Variants in SRL observed in about 807,000 individuals in gnomAD.
SRL encodes sarcalumenin.
Under a neutral mutation model 39.5 loss-of-function variants are expected in SRL, and 23 were observed. The observed-to-expected ratio is 0.58, with a 90% CI of 0.42 to 0.82. The LOEUF (loss-of-function observed/expected upper bound fraction) is 0.82. Among genes scored for constraint, SRL ranks in the 40% least tolerant of loss-of-function variants. SRL has a pLI of 0.00. For synonymous variants in SRL, 272 were observed against 237.4 expected (o/e 1.15, Z -1.34); for missense variants, 592 against 607.8 (o/e 0.97, Z 0.27).
rs1238056685 is a variant in SRL at position 4,195,682 on chromosome 16, G to GT, written c.480dup (p.Pro161ThrfsTer3). Reference sequence around the variant, plus strand: ...AAATTCTGGCCAAACTTCTCAAGGGGTGAGAAGGAACGGGCGCTGTCAGCA... The same window carrying GT: ...AAATTCTGGCCAAACTTCTCAAGGGGTTGAGAAGGAACGGGCGCTGTCAGCA... On this transcript the variant is annotated frameshift_variant, in exon 5 of 6. Coordinates refer to ENST00000399609, the MANE Select transcript of SRL (RefSeq NM_001098814.2). LOFTEE classifies it high-confidence loss of function. 6.2e-7 allele frequency: 1 copy of GT among 1,612,450 alleles called. No individual in the cohort carries two copies. The highest frequency in any genetic ancestry group is 2.2e-5 in the East Asian group (1 of 44,882).
At chr16:4,198,168 G>C (rs1436090397) in intron 3 of SRL, among the ~76,000 whole-genome samples, 1 of 152,230 alleles carries the variant, frequency 6.6e-6, no homozygotes, top group African/African-American at 2.4e-5. Context: ...AAGGATCTCA[G>C]TGAATTCAAC....
rs149409333 is a variant in SRL at position 4,210,110 on chromosome 16, C to T, written c.62-5476G>A. The stretch of plus-strand genomic sequence containing the variant: ...CACAGAAAGTGCTGGAAGAGGTCCG[C>T]GGTCAGATTGGGGTACCAAAACGAA... On this transcript the variant is annotated intron_variant, in intron 1 of 5. Coordinates refer to ENST00000399609, the MANE Select transcript of SRL (RefSeq NM_001098814.2). 7.5e-3 allele frequency among the ~76,000 whole-genome samples: 1,149 copies of T among 152,328 alleles called. 4 individuals carry two copies. The highest frequency in any genetic ancestry group is 0.02 in the Middle Eastern group (6 of 294).
chr16:4,233,501 C>T (rs986179716), intron 1 of SRL, among the ~76,000 whole-genome samples: 4 of 152,212 alleles, frequency 2.6e-5, no homozygotes, highest in Non-Finnish European at 2.9e-5. Context: ...TGTCCCTCTG[C>T]ACAGCCAACC....
intron 5 of SRL, among the ~76,000 whole-genome samples, chr16:4,194,590 C>T (rs1046490662): frequency 9.2e-5 from 14 of 152,182 alleles, no homozygotes; most frequent in African/African-American, 3.4e-4. Context: ...TACTGGGATC[C>T]AATTAGTCCA....
intron 3 of SRL, among the ~76,000 whole-genome samples, chr16:4,199,286 C>G (rs1292593705): frequency 6.6e-6 from 1 of 152,010 alleles, no homozygotes; most frequent in African/African-American, 2.4e-5. Flanking sequence ...AATAGGTAAC[C>G]ACTGCTGACT....
intron 2 of SRL, 45 bp from the exon 3 acceptor site, chr16:4,203,306 T>A: frequency 6.5e-7 from 1 of 1,535,466 alleles, no homozygotes; most frequent in African/African-American, 1.4e-5. Flanking sequence ...GCAGGTGCGA[T>A]CCAGGCAGCT....
At chr16:4,240,583 C>T (rs998403982) in intron 1 of SRL, among the ~76,000 whole-genome samples, 1 of 152,112 alleles carries the variant, frequency 6.6e-6, no homozygotes, top group Non-Finnish European at 1.5e-5. Flanking sequence ...GACCTTTGCA[C>T]AAGCACCTGC....
chr16:4,210,992 T>C (rs1238612300), intron 1 of SRL, among the ~76,000 whole-genome samples: 4 of 152,102 alleles, frequency 2.6e-5, no homozygotes, highest in Non-Finnish European at 5.9e-5. Context: ...GTGATTCCTG[T>C]GCACATTACA....
At chr16:4,234,003 C>CT (rs985403579) in intron 1 of SRL, among the ~76,000 whole-genome samples, 4 of 151,860 alleles carry the variant, frequency 2.6e-5, no homozygotes, top group Admixed American at 6.6e-5. Flanking sequence ...TTCTCTCTCT[C>CT]TTTTTTTTAA....
chr16:4,241,621 G>A (rs539965431), intron 1 of SRL, among the ~76,000 whole-genome samples: 26 of 152,290 alleles, frequency 1.7e-4, no homozygotes, highest in African/African-American at 5.8e-4. Flanking sequence ...ATCCCACCAG[G>A]TGGGAGGGTC....
chr16:4,197,185 C>T (rs1290768437), intron 4 of SRL, among the ~76,000 whole-genome samples: 4 of 149,068 alleles, frequency 2.7e-5, no homozygotes, highest in Non-Finnish European at 5.9e-5. Flanking sequence ...TCCGCTGCCT[C>T]AGCCTCCCAA....
At chr16:4,200,855 T>C (rs2052218187) in intron 3 of SRL, among the ~76,000 whole-genome samples, 2 of 152,128 alleles carry the variant, frequency 1.3e-5, no homozygotes, top group Admixed American at 1.3e-4. Flanking sequence ...ACAAACCCTA[T>C]TACACCCTGG....
chr16:4,215,913 G>A (rs773430991), intron 1 of SRL, among the ~76,000 whole-genome samples: 2 of 152,140 alleles, frequency 1.3e-5, no homozygotes, highest in Admixed American at 6.5e-5. Flanking sequence ...GCGTGCGCCT[G>A]TGGTCCCAGC....
At chr16:4,203,367 G>T (rs1597272803) in intron 2 of SRL, 106 bp from the exon 3 acceptor site, 1 of 868,850 alleles carries the variant, frequency 1.2e-6, no homozygotes, top group Non-Finnish European at 1.9e-6. Flanking sequence ...CCCCTGCCTG[G>T]TGGGCAGCAA....
intron 4 of SRL, among the ~76,000 whole-genome samples, chr16:4,196,483 T>G (rs2052145415): frequency 6.6e-6 from 1 of 150,900 alleles, no homozygotes; most frequent in South Asian, 2.1e-4. Context: ...TTTTTTTTTT[T>G]TTTTTTTTTC....
chr16:4,209,898 A>C (rs966604836), intron 1 of SRL, among the ~76,000 whole-genome samples: 3 of 152,202 alleles, frequency 2.0e-5, no homozygotes, highest in African/African-American at 7.2e-5. Context: ...AGAACTGCCC[A>C]GTCCCTGTCC....
chr16:4,221,816 A>G (rs751587661), intron 1 of SRL, among the ~76,000 whole-genome samples: 4 of 152,110 alleles, frequency 2.6e-5, no homozygotes, highest in Non-Finnish European at 4.4e-5. Flanking sequence ...TTGCCTCTCT[A>G]GCTTCTGGTG....
At chr16:4,207,935 C>G (rs1481779919) in intron 1 of SRL, 1 of 456,638 alleles carries the variant, frequency 2.2e-6, no homozygotes, top group African/African-American at 2.0e-5. Context: ...TCTTGGGGCT[C>G]TCGGCCTCCC....
At chr16:4,202,944 G>A (rs563113820) in intron 3 of SRL, among the ~76,000 whole-genome samples, 16 of 152,168 alleles carry the variant, frequency 1.1e-4, no homozygotes, top group African/African-American at 3.6e-4. Flanking sequence ...GTAAAGCATC[G>A]CGCTGTGCTG....
Sources: allele counts gnomAD v4.1 joint callset (sites outside exome capture counted in the v4.1 genomes callset), GRCh38; gene constraint gnomAD v4.1.1; transcripts MANE v1.5; gene names NCBI Gene and HGNC (gene_info 2026-07-23, HGNC 2026-07-21).